Variants in LIMCH1 observed in about 807,000 individuals in gnomAD.
The protein encoded by LIMCH1 is LIM and calponin homology domains 1, also known as LIM and calponin homology domains-containing protein 1.
LIMCH1 carries 113 observed loss-of-function variants against 176.5 expected under a neutral mutation model. The observed-to-expected ratio is 0.64, with a 90% CI of 0.55 to 0.75. The LOEUF (loss-of-function observed/expected upper bound fraction) is 0.75. Ranked by LOEUF, LIMCH1 falls within the 30% of genes least tolerant of loss-of-function variation. The probability of loss-of-function intolerance (pLI) is 0.00; values close to 1 mark genes in which losing one functional copy is unlikely to be tolerated. For synonymous variants in LIMCH1, 619 were observed against 645.9 expected (o/e 0.96, Z 0.63); for missense variants, 1,674 against 1,814.9 (o/e 0.92, Z 1.41).
intron 1 of LIMCH1, among the ~76,000 whole-genome samples, chr4:41,556,247 T>C (rs2081250332): frequency 6.6e-6 from 1 of 151,836 alleles, no homozygotes; most frequent in South Asian, 2.1e-4. Flanking sequence ...ATACAAAAAT[T>C]AGCTGGGCAT....
chr4:41,663,451 T>C (rs1483782086), intron 20 of LIMCH1, among the ~76,000 whole-genome samples: 2 of 152,194 alleles, frequency 1.3e-5, no homozygotes, highest in African/African-American at 4.8e-5. Flanking sequence ...TATTTGCTTT[T>C]TAACCTGTCA....
At chr4:41,374,350 A>G (rs1365301699) in intron 1 of LIMCH1, among the ~76,000 whole-genome samples, 2 of 152,136 alleles carry the variant, frequency 1.3e-5, no homozygotes, top group Non-Finnish European at 2.9e-5. Flanking sequence ...GAGTGATTGT[A>G]TAGAAAGAGT....
chr4:41,410,397 T>C (rs1226339815), intron 1 of LIMCH1, among the ~76,000 whole-genome samples: 1 of 152,218 alleles, frequency 6.6e-6, no homozygotes, highest in Non-Finnish European at 1.5e-5. Context: ...TTTGCACTCC[T>C]CTCAGTTTAC....
chr4:41,590,768 G>A (rs956701205), intron 1 of LIMCH1, among the ~76,000 whole-genome samples: 6 of 152,160 alleles, frequency 3.9e-5, no homozygotes, highest in Non-Finnish European at 8.8e-5. Context: ...TGGAAGAGCT[G>A]GTATCCTCAT....
chr4:41,502,935 A>ACC (rs1554075625), intron 2 of LIMCH1, among the ~76,000 whole-genome samples: 2 of 151,750 alleles, frequency 1.3e-5, no homozygotes, highest in Non-Finnish European at 2.9e-5. Context: ...ACACACACAC[A>ACC]CACCCCAGGT....
intron 1 of LIMCH1, among the ~76,000 whole-genome samples, chr4:41,444,573 C>T (rs1433830589): frequency 6.6e-6 from 1 of 152,084 alleles, no homozygotes; most frequent in African/African-American, 2.4e-5. Flanking sequence ...GAATCTCTAC[C>T]TCTCATTAGG....
intron 1 of LIMCH1, among the ~76,000 whole-genome samples, chr4:41,457,931 C>T (rs1422076352): frequency 6.6e-6 from 1 of 152,024 alleles, no homozygotes; most frequent in East Asian, 1.9e-4. Flanking sequence ...AGATGAGGAA[C>T]TACGAAATGG....
At chr4:41,610,062 G>C (rs550319476) in intron 4 of LIMCH1, among the ~76,000 whole-genome samples, 5 of 152,332 alleles carry the variant, frequency 3.3e-5, no homozygotes, top group Admixed American at 3.3e-4. Context: ...ATGCCATTCA[G>C]CTCCCAGCTC....
At chr4:41,430,422 C>T (rs1370395170) in intron 1 of LIMCH1, among the ~76,000 whole-genome samples, 3 of 152,160 alleles carry the variant, frequency 2.0e-5, no homozygotes, top group East Asian at 3.9e-4. Context: ...TGCCACTACG[C>T]CCGGCTAATT....
chr4:41,413,495 A>ATTTTTTT (rs10631082), intron 1 of LIMCH1, among the ~76,000 whole-genome samples: 1 of 139,452 alleles, frequency 7.2e-6, no homozygotes, highest in African/African-American at 2.6e-5. Context: ...ATGCCTGGCT[A>ATTTTTTT]TTTTTTTTTT....
rs376065834 is a variant in LIMCH1, at chr4:41,644,542, G to A, written c.2169G>A (p.Ala723=). The A allele has an allele frequency of 1.3e-6, 2 of 1,599,886 alleles. No individual in the cohort carries two copies. The highest frequency in any genetic ancestry group is 1.3e-5 in the African/African-American group (1 of 74,594). ...MFDMRCEEEA[A]VQPHSRARQE... is the part of the protein sequence containing the mutation. ...ACATGCGGTGTGAGGAGGAGGCCGCGGTGCAGCCGCACAGCAGGGCCCGCC... is the reference window on the plus strand; with the variant it reads ...ACATGCGGTGTGAGGAGGAGGCCGCAGTGCAGCCGCACAGCAGGGCCCGCC... The change falls in exon 15 of 32, where the codon GCG becomes GCA. Residue 723 remains alanine (A), a synonymous_variant. Transcript: ENST00000503057.
chr4:41,577,086 T>C (rs1390219319), intron 1 of LIMCH1, among the ~76,000 whole-genome samples: 1 of 151,964 alleles, frequency 6.6e-6, no homozygotes, highest in Non-Finnish European at 1.5e-5. Context: ...GGGACTTGAG[T>C]ACACATGGAT....
intron 24 of LIMCH1, 41 bp downstream of exon 24, chr4:41,680,139 A>G (rs759456505): frequency 1.5e-5 from 21 of 1,367,374 alleles, no homozygotes; most frequent in South Asian, 7.4e-5. Context: ...TGTCATCCCA[A>G]TTCCTCAAAG....
At chr4:41,444,311 TATACAC>T (rs772500852) in intron 1 of LIMCH1, among the ~76,000 whole-genome samples, 727 of 71,202 alleles carry the variant, frequency 0.01, 6 homozygotes, top group Middle Eastern at 0.044. Flanking sequence ...TGTGTATATA[TATACAC>T]ACACACACAC....
chr4:41,510,614 G>A (rs936821895), intron 2 of LIMCH1, among the ~76,000 whole-genome samples: 1 of 151,788 alleles, frequency 6.6e-6, no homozygotes, highest in Non-Finnish European at 1.5e-5. Flanking sequence ...TTGAGATGGA[G>A]TTTCATTCTT....
chr4:41,445,644 T>G (rs1582303970), intron 1 of LIMCH1, among the ~76,000 whole-genome samples: 2 of 152,366 alleles, frequency 1.3e-5, no homozygotes. Flanking sequence ...GAAGGTTTCC[T>G]TATCTGTTTA....
chr4:41,629,747 T>TC lies in LIMCH1; in HGVS notation c.1271+20dup, dbSNP rs780442480. 6.2e-5 allele frequency: 95 copies of TC among 1,526,426 alleles called. No individual in the cohort carries two copies. The highest frequency in any genetic ancestry group is 4.7e-4 in the East Asian group (19 of 40,692). 94.6% of individuals were successfully genotyped at this position (1,526,426 alleles called of 1,614,324 possible). On this transcript the variant is annotated intron_variant, in intron 9 of 31. Transcript: ENST00000503057. The stretch of plus-strand genomic sequence containing the variant: ...CAGAAAAGGCGAGGTGTGTCATGTT[T>TC]CCCCCCCAGTTTCCCCCTGGCAGTC...
At chr4:41,544,093 C>G (rs190021645) in intron 1 of LIMCH1, among the ~76,000 whole-genome samples, 3 of 152,042 alleles carry the variant, frequency 2.0e-5, no homozygotes, top group Non-Finnish European at 4.4e-5. Context: ...CCACCCCCAC[C>G]AAGCCTTCTC....
At position 41,365,360 on chromosome 4, in the gene LIMCH1, G is replaced by A. The variant is rs1000685044; in HGVS notation, c.96+4424G>A. 9.9e-5 allele frequency among the ~76,000 whole-genome samples: 15 copies of A among 152,208 alleles called. 1 individual carries two copies. The highest frequency in any genetic ancestry group is 3.6e-4 in the African/African-American group (15 of 41,458). On this transcript the variant is annotated intron_variant, in intron 1 of 26. Coordinates refer to the LIMCH1 transcript ENST00000313860. ...TATTCAGCTGGGACCTAATTCTGAA[G>A]ATTAAAAACACTGAGGGTATCATAG...
Sources: gnomAD v4.1 joint callset for allele counts (sites outside exome capture counted in the v4.1 genomes callset) on GRCh38, gnomAD v4.1.1 for gene constraint, MANE v1.5 for transcripts, NCBI Gene and HGNC (gene_info 2026-07-23, HGNC 2026-07-21) for gene names.